The following ANKUB1 variants were observed in gnomAD, a reference collection of about 807,000 sequenced individuals.
ANKUB1 encodes the protein ankyrin repeat and ubiquitin domain containing 1, also known as protein ANKUB1.
A neutral mutation model predicts 49.3 loss-of-function variants in ANKUB1; 42 were observed. The observed-to-expected ratio is 0.85, with a 90% CI of 0.67 to 1.10. The LOEUF (loss-of-function observed/expected upper bound fraction) is 1.10, where lower values mean the gene tolerates loss of function less well. Ranked by LOEUF, ANKUB1 falls within the 50% of genes least tolerant of loss-of-function variation. ANKUB1 has a pLI of 0.00. For missense variants in ANKUB1, 613 were observed against 642.0 expected, an observed-to-expected ratio of 0.95 and a Z score of 0.49; for synonymous variants, 222 against 231.0, an observed-to-expected ratio of 0.96 and a Z score of 0.35.
chr3:149,767,038 A>C, intron 5 of ANKUB1, 119 bp downstream of exon 5: 1 of 1,087,002 alleles, frequency 9.2e-7, no homozygotes, highest in South Asian at 1.6e-5. Context: ...CTGGGTATTG[A>C]TGCACTGGAA....
intron 3 of ANKUB1, among the ~76,000 whole-genome samples, chr3:149,774,790 A>G (rs1717518683): frequency 6.6e-6 from 1 of 152,238 alleles, no homozygotes; most frequent in Non-Finnish European, 1.5e-5. Flanking sequence ...AGCACTGTTT[A>G]TTAGATTTTC....
Position 149,761,596 on chromosome 3 carries a change from C to G in ANKUB1, c.1523G>C (p.Arg508Pro). 10 of 1,550,956 alleles carry G rather than the reference C, an allele frequency of 6.4e-6. No homozygotes were observed. Among genetic ancestry groups the G allele is most frequent in the Non-Finnish European group, 8.7e-6 (10 of 1,146,600 alleles). Residue 508 changes from arginine (R) to proline (P), a missense_variant, in exon 6 of 6, where the codon CGA (arginine) becomes CCA (proline). Arg to Pro is a moderately radical substitution (Grantham distance 103, BLOSUM62 -2). Coordinates refer to ENST00000446160, the MANE Select transcript of ANKUB1 (RefSeq NM_001144960.3). ...LAVASAFKEK[R>P]WLQQLEIARV... is the part of the protein sequence containing the mutation. ...TGCTATTTCTAACTGCTGAAGCCAT[C>G]GTTTCTCTTTAAAGGCACTGCAAGA...
chr3:149,784,161 TA>T (rs1352283211), intron 2 of ANKUB1, among the ~76,000 whole-genome samples: 1 of 152,210 alleles, frequency 6.6e-6, no homozygotes, highest in African/African-American at 2.4e-5. Context: ...TCTCTCAGCA[TA>T]AAACAACTTT....
chr3:149,791,789 A>G (rs1346187022), intron 1 of ANKUB1, among the ~76,000 whole-genome samples: 2 of 152,304 alleles, frequency 1.3e-5, no homozygotes, highest in South Asian at 4.1e-4. Flanking sequence ...AAGATAGTCA[A>G]CCTCTCAGAG....
chr3:149,781,316 A>G (rs1328756128), intron 2 of ANKUB1, among the ~76,000 whole-genome samples: 1 of 152,252 alleles, frequency 6.6e-6, no homozygotes. Flanking sequence ...CCAAAACTCA[A>G]AATACAGCGA....
At chr3:149,767,103 T>C (rs1473976646) in intron 5 of ANKUB1, 54 bp downstream of exon 5, 38 of 1,425,534 alleles carry the variant, frequency 2.7e-5, no homozygotes, top group Non-Finnish European at 3.1e-5. Flanking sequence ...TTCCTTATCC[T>C]GGACCTGCCT....
intron 2 of ANKUB1, among the ~76,000 whole-genome samples, chr3:149,789,319 TAA>T (rs1718255983): frequency 2.0e-5 from 3 of 152,072 alleles, no homozygotes; most frequent in Admixed American, 2.0e-4. Flanking sequence ...AAGCAAACAA[TAA>T]AAAGTCTTGA....
intron 3 of ANKUB1, chr3:149,780,005 A>C: frequency 1.9e-6 from 1 of 527,142 alleles, no homozygotes; most frequent in Non-Finnish European, 3.4e-6. Flanking sequence ...TGAGGAGGGA[A>C]CTAAGTGCTT....
chr3:149,789,227 C>G (rs1718249621), intron 2 of ANKUB1, among the ~76,000 whole-genome samples: 1 of 152,058 alleles, frequency 6.6e-6, no homozygotes. Context: ...TGTTAAAAAC[C>G]TTGTCTACAT....
chr3:149,770,133 T>G (rs1352654806), intron 4 of ANKUB1, among the ~76,000 whole-genome samples: 1 of 152,206 alleles, frequency 6.6e-6, no homozygotes, highest in Non-Finnish European at 1.5e-5. Context: ...TGTAGCTTAC[T>G]TTATTGTAAG....
At chr3:149,780,913 A>G (rs1311187555) in intron 2 of ANKUB1, among the ~76,000 whole-genome samples, 1 of 151,432 alleles carries the variant, frequency 6.6e-6, no homozygotes, top group Admixed American at 6.6e-5. Context: ...TTTGCTTATC[A>G]TTTTGTGCTT....
intron 5 of ANKUB1, among the ~76,000 whole-genome samples, chr3:149,762,303 A>T (rs770848944): frequency 3.9e-5 from 6 of 152,328 alleles, no homozygotes; most frequent in Non-Finnish European, 7.4e-5. Flanking sequence ...CAATTAACAA[A>T]TAAAAATATT....
intron 5 of ANKUB1, chr3:149,766,907 C>G: frequency 2.6e-6 from 3 of 1,155,628 alleles, no homozygotes; most frequent in Non-Finnish European, 3.7e-6. Flanking sequence ...TGATACAATT[C>G]TTTCTACTGT....
Position 149,761,395 on chromosome 3 carries a change from A to C in ANKUB1, c.*89T>G. The C allele has an allele frequency of 2.1e-6, 3 of 1,401,702 alleles. No homozygotes were observed. Among genetic ancestry groups the C allele is most frequent in the Non-Finnish European group, 2.9e-6 (3 of 1,040,718 alleles). 86.8% of individuals were successfully genotyped at this position (1,401,702 alleles called of 1,614,324 possible). A position where few individuals can be genotyped will look rare whatever the true frequency, so the allele number is the denominator to read the frequency against. Reference sequence around the variant, plus strand: ...ATTATAACTGTTACTAGAGATGATAACATTAGAACTGTTATTAGAAATGTT... The same window carrying C: ...ATTATAACTGTTACTAGAGATGATACCATTAGAACTGTTATTAGAAATGTT... On this transcript the variant is annotated 3_prime_UTR_variant, in exon 6 of 6. Transcript: ENST00000446160.
chr3:149,762,384 G>C (rs1716820008), intron 5 of ANKUB1, among the ~76,000 whole-genome samples: 1 of 152,110 alleles, frequency 6.6e-6, no homozygotes, highest in Non-Finnish European at 1.5e-5. Flanking sequence ...CTGTTTCCTT[G>C]TTCTAACACT....
chr3:149,768,500 A>C (rs1281587557), intron 4 of ANKUB1, among the ~76,000 whole-genome samples: 1 of 152,136 alleles, frequency 6.6e-6, no homozygotes, highest in African/African-American at 2.4e-5. Flanking sequence ...TTCAATACCC[A>C]GTTCTGCCCT....
intron 3 of ANKUB1, chr3:149,778,518 A>G (rs1246725799): frequency 1.3e-5 from 2 of 152,184 alleles, no homozygotes; most frequent in Non-Finnish European, 2.9e-5. Context: ...AGTTTTTCCT[A>G]GTTTTGTTTC....
chr3:149,774,809 C>G (rs6440639), intron 3 of ANKUB1, among the ~76,000 whole-genome samples: 74,363 of 152,034 alleles, frequency 0.49, 19,596 homozygotes, highest in African/African-American at 0.71. Flanking sequence ...TCCTTTCACC[C>G]CTGTTGCTTT....
intron 4 of ANKUB1, among the ~76,000 whole-genome samples, chr3:149,769,273 T>C (rs1366200495): frequency 6.6e-6 from 1 of 152,156 alleles, no homozygotes; most frequent in Non-Finnish European, 1.5e-5. Flanking sequence ...TATTAACACA[T>C]TAAAATGACC....
Sources: allele counts gnomAD v4.1 joint callset (sites outside exome capture counted in the v4.1 genomes callset), GRCh38; gene constraint gnomAD v4.1.1; transcripts MANE v1.5; gene names NCBI Gene and HGNC (gene_info 2026-07-23, HGNC 2026-07-21).